USP47: variants seen among roughly 807,000 people sequenced by gnomAD.
The protein encoded by USP47 is ubiquitin carboxyl-terminal hydrolase 47.
A neutral mutation model predicts 165.1 loss-of-function variants in USP47; 35 were observed. That is an observed-to-expected ratio of 0.21 (90% CI 0.16 to 0.28). USP47 has a LOEUF of 0.28. Ranked by LOEUF, USP47 falls within the 10% of genes least tolerant of loss-of-function variation. USP47 has a pLI of 1.00. For synonymous variants in USP47, 531 were observed against 544.5 expected, an observed-to-expected ratio of 0.98 and a Z score of 0.35; for missense variants, 1,277 against 1,607.4, an observed-to-expected ratio of 0.79 and a Z score of 3.52.
At chr11:11,865,618 C>T (rs1486067899) in intron 1 of USP47, among the ~76,000 whole-genome samples, 1 of 152,070 alleles carries the variant, frequency 6.6e-6, no homozygotes, top group Non-Finnish European at 1.5e-5. Context: ...TTTTACATTC[C>T]TACCAGCAAT....
At chr11:11,929,077 A>AT (rs142045127) in intron 11 of USP47, among the ~76,000 whole-genome samples, 5,724 of 151,868 alleles carry the variant, frequency 0.038, 354 homozygotes, top group African/African-American at 0.13. Context: ...GTTACTTCGG[A>AT]TTTTTTTTAT....
Position 11,848,136 on chromosome 11 carries a change from T to C in USP47, c.39+5912T>C, listed in dbSNP as rs141699503. 2.0e-3 allele frequency among the ~76,000 whole-genome samples: 311 copies of C among 152,370 alleles called. 2 individuals are homozygous for C. Among genetic ancestry groups the C allele is most frequent in the Middle Eastern group, 0.01 (3 of 294 alleles). The stretch of plus-strand genomic sequence containing the variant: ...AATTTAATTTTTATCAAAGTTATGT[T>C]TAATACATGCATATATTTATAAGAG... On this transcript the variant is annotated intron_variant, in intron 1 of 27. Transcript: ENST00000527733.
At chr11:11,944,603 A>G (rs1371369788) in intron 20 of USP47, among the ~76,000 whole-genome samples, 2 of 152,152 alleles carry the variant, frequency 1.3e-5, no homozygotes, top group Non-Finnish European at 2.9e-5. Flanking sequence ...TTCACTGATG[A>G]CGAAACTGGT....
At chr11:11,844,531 G>A (rs1848319027) in intron 1 of USP47, among the ~76,000 whole-genome samples, 1 of 152,126 alleles carries the variant, frequency 6.6e-6, no homozygotes, top group Non-Finnish European at 1.5e-5. Flanking sequence ...GTAAATGGCA[G>A]ACCTAGTGCT....
chr11:11,934,943 A>G (rs931750900), intron 16 of USP47, among the ~76,000 whole-genome samples: 1 of 152,130 alleles, frequency 6.6e-6, no homozygotes, highest in African/African-American at 2.4e-5. Context: ...TAACATAACT[A>G]AAAATAACAC....
intron 13 of USP47, 49 bp downstream of exon 13, chr11:11,930,169 G>T: frequency 6.7e-7 from 1 of 1,497,788 alleles, no homozygotes; most frequent in Non-Finnish European, 9.3e-7. Flanking sequence ...ATTAATTATA[G>T]CTTCTCAGTG....
Position 11,943,097 on chromosome 11 carries a change from G to A in USP47, c.3076G>A (p.Gly1026Arg), listed in dbSNP as rs545207859. The A allele has an allele frequency of 1.2e-6, 2 of 1,611,112 alleles. No individual in the cohort carries two copies. The highest frequency in any genetic ancestry group is 1.7e-6 in the Non-Finnish European group (2 of 1,178,732). ...AEPYAADEGS[G>R]EGHKWLMVHV... Reference sequence around the variant, plus strand: ...ACCTTATGCTGCAGATGAAGGTTCTGGGGAAGGACATAAATGTATGTACTT... The same window carrying A: ...ACCTTATGCTGCAGATGAAGGTTCTAGGGAAGGACATAAATGTATGTACTT... Residue 1026 changes from glycine (G) to arginine (R), a missense_variant, in exon 20 of 28, where the codon GGG (glycine) becomes AGG (arginine). Physicochemically the swap from Gly to Arg is moderately radical, Grantham distance 125. Transcript: ENST00000527733.
Position 11,924,111 on chromosome 11 carries a change from T to TA in USP47, c.1386+1221dup, listed in dbSNP as rs561143819. ...CTTCAGAGGAAAGCTTTCAGTTTCTTATCATTGAGTGTGATGTTGACTTTC... is the reference window on the plus strand; with the variant it reads ...CTTCAGAGGAAAGCTTTCAGTTTCTTAATCATTGAGTGTGATGTTGACTTTC... On this transcript the variant is annotated intron_variant, in intron 11 of 27. Coordinates refer to ENST00000527733, the MANE Select transcript of USP47 (RefSeq NM_001282659.2). Among the ~76,000 whole-genome samples, 5 of 146,870 alleles carry TA rather than the reference T, an allele frequency of 3.4e-5. No individual in the cohort carries two copies. In the South Asian group the frequency reaches 1.1e-3, roughly 32 times the overall value.
At chr11:11,860,179 C>T (rs1395848817) in intron 1 of USP47, among the ~76,000 whole-genome samples, 1 of 150,162 alleles carries the variant, frequency 6.7e-6, no homozygotes, top group Non-Finnish European at 1.5e-5. Context: ...GATGGAGTTT[C>T]GCTCTTGTTG....
chr11:11,948,194 C>G, intron 21 of USP47, 74 bp downstream of exon 21: 1 of 1,465,146 alleles, frequency 6.8e-7, no homozygotes, highest in Non-Finnish European at 9.1e-7. Flanking sequence ...TTACTACTTC[C>G]AAGTGAGGTG....
At chr11:11,908,719 T>G (rs1852752909) in intron 8 of USP47, among the ~76,000 whole-genome samples, 1 of 151,952 alleles carries the variant, frequency 6.6e-6, no homozygotes, top group African/African-American at 2.4e-5. Context: ...TTATAATAAT[T>G]TCTTTTTTCA....
Position 11,903,179 on chromosome 11 carries a change from TTCTG to T in USP47, c.740-80_740-77del, listed in dbSNP as rs1314632396. ...CATTATTTAAGGTAGACTTCAATAT[TTCTG>T]TCTATTTGCTTTTAAACAACAGATT... is the stretch of plus-strand genomic sequence containing the variant. On this transcript the variant is annotated intron_variant, in intron 6 of 27. Coordinates refer to ENST00000527733, the MANE Select transcript of USP47 (RefSeq NM_001282659.2). 5.9e-5 allele frequency: 79 copies of T among 1,335,624 alleles called. 1 individual carries two copies. In the East Asian group the frequency reaches 1.3e-3, roughly 22 times the overall value. 82.7% of individuals were successfully genotyped at this position (1,335,624 alleles called of 1,614,324 possible).
chr11:11,869,959 G>C (rs934293965), intron 1 of USP47, among the ~76,000 whole-genome samples: 4 of 152,082 alleles, frequency 2.6e-5, no homozygotes, highest in Non-Finnish European at 5.9e-5. Flanking sequence ...CCAGAACCTT[G>C]AGCCAAAACA....
chr11:11,860,180 GCT>G (rs1450967488), intron 1 of USP47, among the ~76,000 whole-genome samples: 1 of 150,032 alleles, frequency 6.7e-6, no homozygotes, highest in Non-Finnish European at 1.5e-5. Flanking sequence ...ATGGAGTTTC[GCT>G]CTTGTTGCCC....
intron 8 of USP47, among the ~76,000 whole-genome samples, chr11:11,911,650 A>G (rs1852998564): frequency 6.6e-6 from 1 of 152,150 alleles, no homozygotes; most frequent in Non-Finnish European, 1.5e-5. Context: ...ACAAATCTAC[A>G]ATTACAGTTG....
In USP47 at chr11:11,891,959, G is replaced by A; in HGVS notation, c.358-9G>A. On this transcript the variant is annotated splice_polypyrimidine_tract_variant and intron_variant, in intron 3 of 27. Transcript: ENST00000527733. ...TATTTACTAACTATTTGAATATGTT[G>A]CATTTTAGGAGGATTCCAGTGCTGG... 6.2e-7 allele frequency: 1 copy of A among 1,608,160 alleles called. No individual in the cohort carries two copies. Among genetic ancestry groups the A allele is most frequent in the Non-Finnish European group, 8.5e-7 (1 of 1,177,938 alleles).
At chr11:11,880,146 A>G (rs1184993222) in intron 1 of USP47, 31 bp from the exon 2 acceptor site, 3 of 1,399,028 alleles carry the variant, frequency 2.1e-6, no homozygotes, top group Non-Finnish European at 1.9e-6. Context: ...TAAAGATAAT[A>G]TATAAAGTCA....
chr11:11,917,270 A>C (rs994226954), intron 8 of USP47, among the ~76,000 whole-genome samples: 1 of 152,208 alleles, frequency 6.6e-6, no homozygotes, highest in Non-Finnish European at 1.5e-5. Flanking sequence ...TAGCCAGGCA[A>C]GTGTTTCTTA....
intron 11 of USP47, among the ~76,000 whole-genome samples, chr11:11,927,518 A>C (rs1224201979): frequency 6.6e-6 from 1 of 151,944 alleles, no homozygotes; most frequent in African/African-American, 2.4e-5. Flanking sequence ...TAAAATACTC[A>C]CTCTTTGACC....
Sources: gnomAD v4.1 joint callset for allele counts (sites outside exome capture counted in the v4.1 genomes callset) on GRCh38, gnomAD v4.1.1 for gene constraint, MANE v1.5 for transcripts, NCBI Gene and HGNC (gene_info 2026-07-23, HGNC 2026-07-21) for gene names.